The following THSD7A variants were observed in gnomAD, a reference collection of about 807,000 sequenced individuals.
The protein encoded by THSD7A is thrombospondin type-1 domain-containing protein 7A.
A neutral mutation model predicts 231.3 loss-of-function variants in THSD7A; 96 were observed. That is an observed-to-expected ratio of 0.41 (90% confidence interval 0.35 to 0.49). The LOEUF (loss-of-function observed/expected upper bound fraction) is 0.49, where lower values mean the gene tolerates loss of function less well. Among genes scored for constraint, THSD7A ranks in the 20% least tolerant of loss-of-function variants. THSD7A has a pLI of 0.05. For synonymous variants in THSD7A, 940 were observed against 743.3 expected, an observed-to-expected ratio of 1.26 and a Z score of -4.30; for missense variants, 2,290 against 2,070.2, an observed-to-expected ratio of 1.11 and a Z score of -2.06.
In THSD7A at chr7:11,374,101, A is replaced by G. The variant is rs1273107403; in HGVS notation, c.*1693T>C. 6.6e-6 allele frequency: 1 copy of G among 152,132 alleles called. No individual in the cohort carries two copies. The highest frequency in any genetic ancestry group is 1.5e-5 in the Non-Finnish European group (1 of 67,992). 9.4% of individuals were successfully genotyped at this position (152,132 alleles called of 1,614,324 possible). On this transcript the variant is annotated 3_prime_UTR_variant, in exon 28 of 28. Coordinates refer to ENST00000423059, the MANE Select transcript of THSD7A (RefSeq NM_015204.3). ...ATGAATGAAAACGAAAGATGACACCATGGAGAGCTAGCATTAAAAAACATC... is the reference window on the plus strand; with the variant it reads ...ATGAATGAAAACGAAAGATGACACCGTGGAGAGCTAGCATTAAAAAACATC...
chr7:11,405,069 C>A (rs1488194831), intron 22 of THSD7A, among the ~76,000 whole-genome samples: 1 of 151,770 alleles, frequency 6.6e-6, no homozygotes, highest in African/African-American at 2.4e-5. Flanking sequence ...TCAAAATAAC[C>A]CCTATCAGGG....
In THSD7A at chr7:11,801,125, C is replaced by A. The variant is rs907008787; in HGVS notation, c.190+30632G>T. ...AAGACCAGCCTCGGCAACAAGGAGA[C>A]CCCATTTCAAAAAAAATTTTTTTTT... On this transcript the variant is annotated intron_variant, in intron 1 of 27. Transcript: ENST00000423059. Among the ~76,000 whole-genome samples the A allele has an allele frequency of 3.3e-5, 5 of 151,766 alleles. No homozygotes were observed. In the East Asian group the frequency reaches 7.7e-4, roughly 23 times the overall value.
chr7:11,624,584 T>C (rs1027095703), intron 2 of THSD7A, among the ~76,000 whole-genome samples: 7 of 152,104 alleles, frequency 4.6e-5, no homozygotes, highest in African/African-American at 1.7e-4. Context: ...ACTGGTCAAA[T>C]TCTACTGCCT....
chr7:11,752,393 C>CT (rs1367490901), intron 1 of THSD7A, among the ~76,000 whole-genome samples: 1 of 151,974 alleles, frequency 6.6e-6, no homozygotes, highest in East Asian at 1.9e-4. Context: ...ACAATTTATA[C>CT]TTTTCTACTT....
intron 5 of THSD7A, 104 bp downstream of exon 5, chr7:11,542,858 T>G (rs747480369): frequency 1.4e-5 from 18 of 1,292,674 alleles, no homozygotes; most frequent in Admixed American, 2.7e-5. Flanking sequence ...TTAGCCATTC[T>G]GGAAAATACC....
At chr7:11,799,342 T>C (rs891047462) in intron 1 of THSD7A, among the ~76,000 whole-genome samples, 2 of 152,214 alleles carry the variant, frequency 1.3e-5, no homozygotes, top group African/African-American at 2.4e-5. Flanking sequence ...GAAACTTCTT[T>C]AGCACTGATG....
intron 1 of THSD7A, among the ~76,000 whole-genome samples, chr7:11,649,552 G>T (rs1782413830): frequency 6.6e-6 from 1 of 151,984 alleles, no homozygotes; most frequent in Admixed American, 6.6e-5. Context: ...GCCAGCAGCT[G>T]GAAGGACGAT....
intron 4 of THSD7A, among the ~76,000 whole-genome samples, chr7:11,547,684 A>C (rs1302586750): frequency 6.6e-6 from 1 of 152,196 alleles, no homozygotes; most frequent in Non-Finnish European, 1.5e-5. Context: ...AGCACAATAA[A>C]TACAGAAGTT....
At chr7:11,484,864 C>T (rs1040048522) in intron 6 of THSD7A, among the ~76,000 whole-genome samples, 2 of 109,234 alleles carry the variant, frequency 1.8e-5, no homozygotes, top group Non-Finnish European at 3.8e-5. Flanking sequence ...CCCACTGAAT[C>T]ACAACCTTAA....
intron 4 of THSD7A, among the ~76,000 whole-genome samples, chr7:11,548,905 A>G (rs1789511012): frequency 6.6e-6 from 1 of 152,086 alleles, no homozygotes; most frequent in Non-Finnish European, 1.5e-5. Flanking sequence ...AAATGGACAA[A>G]AGCTGTAAGT....
chr7:11,635,500 A>G (rs763496902), intron 2 of THSD7A, among the ~76,000 whole-genome samples: 38 of 152,324 alleles, frequency 2.5e-4, no homozygotes, highest in Non-Finnish European at 4.7e-4. Flanking sequence ...TAATTTGTTA[A>G]ATAATTTCTG....
chr7:11,667,751 T>A (rs1334156293), intron 1 of THSD7A, among the ~76,000 whole-genome samples: 1 of 152,148 alleles, frequency 6.6e-6, no homozygotes, highest in Non-Finnish European at 1.5e-5. Flanking sequence ...ATGATTATCA[T>A]GATTCTTTCA....
chr7:11,767,378 T>A (rs1783062583), intron 1 of THSD7A, among the ~76,000 whole-genome samples: 1 of 152,156 alleles, frequency 6.6e-6, no homozygotes, highest in Non-Finnish European at 1.5e-5. Flanking sequence ...TCCAGTCACA[T>A]CAGCTTTTTT....
intron 1 of THSD7A, among the ~76,000 whole-genome samples, chr7:11,825,804 C>T (rs1037651457): frequency 2.6e-5 from 4 of 152,108 alleles, no homozygotes; most frequent in Admixed American, 6.6e-5. Context: ...TTAACGCTGA[C>T]GCTCATGCTC....
At chr7:11,584,436 C>CT (rs1338203626) in intron 4 of THSD7A, among the ~76,000 whole-genome samples, 1 of 151,814 alleles carries the variant, frequency 6.6e-6, no homozygotes, top group East Asian at 1.9e-4. Flanking sequence ...ATGTTTCTAC[C>CT]TTTTTCCCCA....
chr7:11,794,429 A>G (rs1358171737), intron 1 of THSD7A, among the ~76,000 whole-genome samples: 3 of 151,978 alleles, frequency 2.0e-5, no homozygotes, highest in Admixed American at 2.0e-4. Flanking sequence ...AATGATCATT[A>G]GTGATGTCTT....
chr7:11,792,303 G>A (rs767841331), intron 1 of THSD7A, among the ~76,000 whole-genome samples: 1 of 151,948 alleles, frequency 6.6e-6, no homozygotes, highest in Non-Finnish European at 1.5e-5. Flanking sequence ...TCAGCAAAGT[G>A]ATCTGTCTGC....
chr7:11,402,003 C>A, intron 22 of THSD7A, 35 bp from the exon 23 acceptor site: 4 of 1,585,520 alleles, frequency 2.5e-6, no homozygotes, highest in Non-Finnish European at 3.4e-6. Flanking sequence ...ACACCCATAT[C>A]CACAGAGAAA....
At chr7:11,390,700 C>T (rs149609726) in intron 23 of THSD7A, among the ~76,000 whole-genome samples, 5 of 152,162 alleles carry the variant, frequency 3.3e-5, no homozygotes, top group African/African-American at 9.7e-5. Flanking sequence ...TCAGCCCTTT[C>T]GAGCTAGTTT....
Sources: allele counts gnomAD v4.1 joint callset (sites outside exome capture counted in the v4.1 genomes callset), GRCh38; gene constraint gnomAD v4.1.1; transcripts MANE v1.5; gene names NCBI Gene and HGNC (gene_info 2026-07-23, HGNC 2026-07-21).